Variants in KNTC1 observed in about 807,000 individuals in gnomAD.
KNTC1 encodes the protein kinetochore associated 1, also known as kinetochore-associated protein 1.
In KNTC1, 253 loss-of-function variants were observed where a neutral mutation model predicts 314.4. That is an observed-to-expected ratio of 0.80 (90% CI 0.73 to 0.89). KNTC1 has a LOEUF of 0.89. KNTC1 is among the 40% of genes least tolerant of loss of function. The pLI is 0.00. For synonymous variants in KNTC1, 901 were observed against 901.4 expected (o/e 1.00, Z 0.01); for missense variants, 2,475 against 2,572.9 (o/e 0.96, Z 0.82).
chr12:122,546,694 T>A lies in KNTC1; in HGVS notation c.816+20T>A. The A allele has an allele frequency of 6.8e-7, 1 of 1,476,204 alleles. No individual in the cohort carries two copies. Among genetic ancestry groups the A allele is most frequent in the South Asian group, 1.2e-5 (1 of 82,064 alleles). 91.4% of individuals were successfully genotyped at this position (1,476,204 alleles called of 1,614,324 possible). On this transcript the variant is annotated intron_variant, in intron 10 of 63. Transcript: ENST00000333479. ...ACTGATGTATGTTTCTTGTTTCTCC[T>A]TCAATGTTTTTACTTGATATGTTTT...
intron 2 of KNTC1, among the ~76,000 whole-genome samples, chr12:122,530,738 A>G (rs1240786982): frequency 6.6e-6 from 1 of 152,190 alleles, no homozygotes; most frequent in African/African-American, 2.4e-5. Flanking sequence ...GGTGTGAGCC[A>G]TCACTCCCGG....
chr12:122,612,057 T>C (rs1566016090), intron 53 of KNTC1, among the ~76,000 whole-genome samples: 1 of 151,074 alleles, frequency 6.6e-6, no homozygotes, highest in African/African-American at 2.5e-5. Context: ...AAGAACATTC[T>C]GGTTTTTTTT....
At chr12:122,556,975 C>T (rs1342248622) in intron 16 of KNTC1, among the ~76,000 whole-genome samples, 2 of 137,554 alleles carry the variant, frequency 1.5e-5, no homozygotes, top group Non-Finnish European at 3.0e-5. Flanking sequence ...AGGCTGGGCT[C>T]GAACTCCTGG....
intron 49 of KNTC1, 87 bp from the exon 50 acceptor site, chr12:122,604,790 A>G (rs1872395596): frequency 4.5e-6 from 6 of 1,321,404 alleles, no homozygotes; most frequent in South Asian, 1.3e-5. Context: ...GGAAGGGGGG[A>G]GGGATTGTGA....
chr12:122,598,194 A>G (rs970284147), intron 44 of KNTC1, among the ~76,000 whole-genome samples: 1 of 152,206 alleles, frequency 6.6e-6, no homozygotes, highest in Non-Finnish European at 1.5e-5. Flanking sequence ...AGAGAAATGT[A>G]TAAATCAAAA....
At chr12:122,554,558 G>A (rs1284890623) in intron 16 of KNTC1, among the ~76,000 whole-genome samples, 3 of 152,112 alleles carry the variant, frequency 2.0e-5, no homozygotes, top group South Asian at 4.1e-4. Flanking sequence ...TATTTTTAAA[G>A]CTAAAGGTGA....
intron 16 of KNTC1, among the ~76,000 whole-genome samples, chr12:122,556,729 C>T (rs1176886878): frequency 2.0e-5 from 3 of 151,942 alleles, no homozygotes. Flanking sequence ...TCCCAAAGTG[C>T]TGGGATTACA....
chr12:122,575,187 G>A (rs1964931719), intron 27 of KNTC1, among the ~76,000 whole-genome samples: 1 of 152,120 alleles, frequency 6.6e-6, no homozygotes, highest in African/African-American at 2.4e-5. Context: ...CTTGAACCCA[G>A]GAGGTGGAGG....
At chr12:122,555,018 C>T (rs1304239682) in intron 16 of KNTC1, among the ~76,000 whole-genome samples, 2 of 150,810 alleles carry the variant, frequency 1.3e-5, no homozygotes, top group Non-Finnish European at 3.0e-5. Flanking sequence ...GCATTTTAGC[C>T]TGAGTGACAG....
chr12:122,601,776 CT>C, intron 45 of KNTC1, 151 bp downstream of exon 45: 1 of 824,650 alleles, frequency 1.2e-6, no homozygotes, highest in Non-Finnish European at 1.6e-6. Flanking sequence ...CTTTACAAAT[CT>C]TTAAAAAAAG....
At chr12:122,601,364 C>G (rs151065846) in intron 44 of KNTC1, among the ~76,000 whole-genome samples, 172 bp from the exon 45 acceptor site, 3 of 152,152 alleles carry the variant, frequency 2.0e-5, no homozygotes, top group Non-Finnish European at 4.4e-5. Context: ...GGATTACAGG[C>G]GTGAGCCACC....
intron 61 of KNTC1, 90 bp from the exon 62 acceptor site, chr12:122,622,372 A>T: frequency 8.5e-7 from 1 of 1,181,952 alleles, no homozygotes; most frequent in Non-Finnish European, 1.2e-6. Context: ...TTGATATTGA[A>T]TAAAGGCTTG....
chr12:122,618,693 G>A, intron 59 of KNTC1, 148 bp downstream of exon 59: 1 of 708,976 alleles, frequency 1.4e-6, no homozygotes, highest in Non-Finnish European at 2.4e-6. Flanking sequence ...TTTTGAGATG[G>A]AGTCTTGCTC....
chr12:122,541,791 C>T (rs1353655718), intron 5 of KNTC1, among the ~76,000 whole-genome samples: 2 of 151,642 alleles, frequency 1.3e-5, no homozygotes, highest in African/African-American at 4.8e-5. Context: ...GAGGCTGAGG[C>T]AAGCAGATCA....
chr12:122,575,488 T>C, intron 27 of KNTC1, 55 bp from the exon 28 acceptor site: 2 of 1,183,358 alleles, frequency 1.7e-6, no homozygotes, highest in Admixed American at 2.0e-5. Context: ...GCTGTTCACT[T>C]GCATGCATCG....
rs540335785 is a variant in KNTC1 at position 122,589,640 on chromosome 12, T to C, written c.3999+824T>C. Reference sequence around the variant, plus strand: ...GGTGTTTTACCATGCCTGGCCAATTTGTAAAAATTTTTTGTAGAGACAGGT... The same window carrying C: ...GGTGTTTTACCATGCCTGGCCAATTCGTAAAAATTTTTTGTAGAGACAGGT... On this transcript the variant is annotated intron_variant, in intron 40 of 63. Transcript: ENST00000333479. Among the ~76,000 whole-genome samples the C allele has an allele frequency of 1.7e-3, 257 of 152,036 alleles. 2 individuals are homozygous for C. Among genetic ancestry groups the C allele is most frequent in the Non-Finnish European group, 3.1e-3 (208 of 67,954 alleles).
intron 41 of KNTC1, among the ~76,000 whole-genome samples, 160 bp downstream of exon 41, chr12:122,590,895 G>A (rs1420534561): frequency 6.6e-6 from 1 of 151,876 alleles, no homozygotes; most frequent in Non-Finnish European, 1.5e-5. Flanking sequence ...ACATACTGTT[G>A]CCTGTATATG....
intron 44 of KNTC1, among the ~76,000 whole-genome samples, chr12:122,599,190 C>T (rs947635656): frequency 6.6e-6 from 1 of 151,738 alleles, no homozygotes; most frequent in Non-Finnish European, 1.5e-5. Context: ...TGGCCTCTAA[C>T]TCCTGGGCTC....
At chr12:122,554,639 G>A (rs1477637024) in intron 16 of KNTC1, among the ~76,000 whole-genome samples, 1 of 152,026 alleles carries the variant, frequency 6.6e-6, no homozygotes, top group Non-Finnish European at 1.5e-5. Flanking sequence ...GATTTTAGAA[G>A]TAATGTTTAA....
Sources: gnomAD v4.1 joint callset for allele counts (sites outside exome capture counted in the v4.1 genomes callset) on GRCh38, gnomAD v4.1.1 for gene constraint, MANE v1.5 for transcripts, NCBI Gene and HGNC (gene_info 2026-07-23, HGNC 2026-07-21) for gene names.